Variants in RADIL observed in about 807,000 individuals in gnomAD.
RADIL encodes the protein Rap associating with DIL domain.
RADIL carries 99 observed loss-of-function variants against 97.6 expected under a neutral mutation model. That is an observed-to-expected ratio of 1.01 (90% CI 0.86 to 1.20). The LOEUF is 1.20. Ranked by LOEUF, RADIL falls within the 50% of genes most tolerant of loss-of-function variation. The pLI is 0.00. For missense variants in RADIL, 1,765 were observed against 1,498.9 expected (o/e 1.18, Z -2.93); for synonymous variants, 803 against 691.8 (o/e 1.16, Z -2.52).
In RADIL at chr7:4,853,473, T is replaced by C. The variant is rs780492015; in HGVS notation, c.536-16868A>G. 1.6e-4 allele frequency among the ~76,000 whole-genome samples: 24 copies of C among 152,204 alleles called. 1 individual carries two copies. In the Middle Eastern group the frequency reaches 0.017, roughly 108 times the overall value. ...GATGCTGGGGGTAGGCCGGGCATGT[T>C]GGCTCACACCCGTAATCCCAGCACT... On this transcript the variant is annotated intron_variant, in intron 2 of 14. Coordinates refer to ENST00000399583, the MANE Select transcript of RADIL (RefSeq NM_018059.5).
chr7:4,831,831 T>A (rs1427350844), intron 5 of RADIL, among the ~76,000 whole-genome samples: 1 of 152,104 alleles, frequency 6.6e-6, no homozygotes, highest in Non-Finnish European at 1.5e-5. Context: ...TAGGTTGCTG[T>A]GAGCAGAGAT....
At chr7:4,881,369 C>G (rs1291483486) in intron 1 of RADIL, among the ~76,000 whole-genome samples, 1 of 140,384 alleles carries the variant, frequency 7.1e-6, no homozygotes, top group African/African-American at 2.7e-5. Flanking sequence ...GAGCCAAGAT[C>G]ATGCCACTGC....
chr7:4,851,181 G>C lies in RADIL; in HGVS notation c.536-14576C>G, dbSNP rs556239800. ...GCTCATGCCATTGCCTGGGTGACAA[G>C]AGCAAAACTCCGTCTCAAAAAAAAA... On this transcript the variant is annotated intron_variant, in intron 2 of 14. Coordinates refer to ENST00000399583, the MANE Select transcript of RADIL (RefSeq NM_018059.5). Among the ~76,000 whole-genome samples, 5 of 147,296 alleles carry C rather than the reference G, an allele frequency of 3.4e-5. No homozygotes were observed. The South Asian group carries it at 1.1e-3, about 32-fold the overall frequency.
At chr7:4,859,902 G>T (rs755985143) in intron 2 of RADIL, 9 of 1,600,572 alleles carry the variant, frequency 5.6e-6, no homozygotes, top group Non-Finnish European at 7.7e-6. Context: ...TCCAACTATA[G>T]GATTAGATAT....
At position 4,818,883 on chromosome 7, in the gene RADIL, A is replaced by G. The variant is rs1264617312; in HGVS notation, c.1616-1532T>C. Among the ~76,000 whole-genome samples the G allele has an allele frequency of 6.6e-6, 1 of 152,064 alleles. No homozygotes were observed. Among genetic ancestry groups the G allele is most frequent in the Non-Finnish European group, 1.5e-5 (1 of 68,006 alleles). On this transcript the variant is annotated intron_variant, in intron 6 of 14. Coordinates refer to ENST00000399583, the MANE Select transcript of RADIL (RefSeq NM_018059.5). The surrounding 1 kb of genome is among the most constrained non-coding windows in gnomAD (Gnocchi z 7.1). ...TGAATGAAACCACAAAGCAGCCTCC[A>G]GCCACCCACCACGGGCCTGAGACTC...
intron 9 of RADIL, among the ~76,000 whole-genome samples, chr7:4,806,214 A>G (rs1399862173): frequency 2.0e-5 from 3 of 152,222 alleles, no homozygotes; most frequent in African/African-American, 7.2e-5. Context: ...CAGTGGCTCA[A>G]TCACAGCTCA....
At chr7:4,836,299 G>A in intron 3 of RADIL, 59 bp downstream of exon 3, 1 of 1,549,024 alleles carries the variant, frequency 6.5e-7, no homozygotes, top group Non-Finnish European at 8.7e-7. Context: ...TGACTTCTGA[G>A]TCCCGCCTGC....
chr7:4,855,325 T>C (rs1044154902), intron 2 of RADIL, among the ~76,000 whole-genome samples: 2 of 151,922 alleles, frequency 1.3e-5, no homozygotes, highest in African/African-American at 4.8e-5. Context: ...GGAGGTAAAC[T>C]AGAAGGTGTG....
rs1783456025 is a variant in RADIL at position 4,842,190 on chromosome 7, T to C, written c.536-5585A>G. Among the ~76,000 whole-genome samples the C allele has an allele frequency of 6.6e-6, 1 of 152,080 alleles. No homozygotes were observed. Among genetic ancestry groups the C allele is most frequent in the Non-Finnish European group, 1.5e-5 (1 of 68,022 alleles). ...ACAATGGGATAGAAGGAGTAGAAAG[T>C]GCAGGGCGCCGGGGCAATGGGGAAG... On this transcript the variant is annotated intron_variant, in intron 2 of 14. Coordinates refer to ENST00000399583, the MANE Select transcript of RADIL (RefSeq NM_018059.5). The surrounding 1 kb of genome is among the most constrained non-coding windows in gnomAD (Gnocchi z 4.5).
chr7:4,801,944 G>GT lies in RADIL; in HGVS notation c.2550_2551insA (p.Leu851ThrfsTer63). The GT allele has an allele frequency of 6.4e-7, 1 of 1,564,352 alleles. No homozygotes were observed. Among genetic ancestry groups the GT allele is most frequent in the Non-Finnish European group, 8.6e-7 (1 of 1,157,776 alleles). On this transcript the variant is annotated frameshift_variant, in exon 12 of 15. Transcript: ENST00000399583. LOFTEE classifies it high-confidence loss of function. ...GCTGGGCCAGGGTCCCTGGGAGCCA[G>GT]GGGGCAGCTCGGGGCCTCCAGGTGC...
rs1007833377 is a variant in RADIL, at chr7:4,818,630, C to T, written c.1616-1279G>A. 6.6e-6 allele frequency among the ~76,000 whole-genome samples: 1 copy of T among 152,138 alleles called. No homozygotes were observed. The highest frequency in any genetic ancestry group is 1.9e-4 in the East Asian group (1 of 5,176). On this transcript the variant is annotated intron_variant, in intron 6 of 14. Coordinates refer to ENST00000399583, the MANE Select transcript of RADIL (RefSeq NM_018059.5). This position sits in a 1 kb window ranked among gnomAD's most constrained non-coding sequence, Gnocchi z 7.1. ...GCCTGTGGAGACACACAAGGTGGCC[C>T]GACGGCGCCCACAGCGAGTGCCGGC...
chr7:4,839,717 T>C (rs1460566846), intron 2 of RADIL, among the ~76,000 whole-genome samples: 1 of 152,188 alleles, frequency 6.6e-6, no homozygotes, highest in African/African-American at 2.4e-5. Context: ...CAGATAAATG[T>C]AACTGATGAT....
Position 4,797,760 on chromosome 7 carries a change from T to C in RADIL, c.*1618A>G, listed in dbSNP as rs1459302240. The C allele has an allele frequency of 2.0e-5, 3 of 152,218 alleles. No homozygotes were observed. In the East Asian group the frequency reaches 5.8e-4, roughly 29 times the overall value. 9.4% of individuals were successfully genotyped at this position (152,218 alleles called of 1,614,324 possible). ...ACTTTGGGAGGGCAAGGCGGGCAGA[T>C]CACTTGATGTCAGTTTGAAATCAGC... On this transcript the variant is annotated 3_prime_UTR_variant, in exon 15 of 15. Coordinates refer to ENST00000399583, the MANE Select transcript of RADIL (RefSeq NM_018059.5).
In RADIL at chr7:4,842,361, C is replaced by T. The variant is rs1562446612; in HGVS notation, c.536-5756G>A. 6.6e-6 allele frequency among the ~76,000 whole-genome samples: 1 copy of T among 152,230 alleles called. No homozygotes were observed. Among genetic ancestry groups the T allele is most frequent in the East Asian group, 1.9e-4 (1 of 5,198 alleles). On this transcript the variant is annotated intron_variant, in intron 2 of 14. Coordinates refer to ENST00000399583, the MANE Select transcript of RADIL (RefSeq NM_018059.5). This position sits in a 1 kb window ranked among gnomAD's most constrained non-coding sequence, Gnocchi z 4.5. Reference sequence around the variant, plus strand: ...GCCAAGCCGAGCTGCTGAGCACATCCTCATCTCCAAGGTGAGAAACTCACT... The same window carrying T: ...GCCAAGCCGAGCTGCTGAGCACATCTTCATCTCCAAGGTGAGAAACTCACT...
At chr7:4,812,579 G>T (rs933300630) in intron 9 of RADIL, among the ~76,000 whole-genome samples, 1 of 151,916 alleles carries the variant, frequency 6.6e-6, no homozygotes, top group Non-Finnish European at 1.5e-5. Flanking sequence ...GTGCCACCAC[G>T]CCCAGCTAAT....
chr7:4,880,977 G>A lies in RADIL; in HGVS notation c.-65+2619C>T, dbSNP rs1156488552. On this transcript the variant is annotated intron_variant, in intron 1 of 14. Coordinates refer to ENST00000399583, the MANE Select transcript of RADIL (RefSeq NM_018059.5). The surrounding 1 kb of genome is among the most constrained non-coding windows in gnomAD (Gnocchi z 4.5). Reference sequence around the variant, plus strand: ...AATTAGCTGGGCATGGTGTGCACCTGTAGTCCCAGCTACTCGGGAGGCTGA... The same window carrying A: ...AATTAGCTGGGCATGGTGTGCACCTATAGTCCCAGCTACTCGGGAGGCTGA... 6.6e-6 allele frequency among the ~76,000 whole-genome samples: 1 copy of A among 151,860 alleles called. No individual in the cohort carries two copies. Among genetic ancestry groups the A allele is most frequent in the Non-Finnish European group, 1.5e-5 (1 of 67,948 alleles).
At position 4,880,228 on chromosome 7, in the gene RADIL, C is replaced by A. The variant is rs1225910314; in HGVS notation, c.-64-2025G>T. Reference sequence around the variant, plus strand: ...GCCATAAAGGAGTAAAGGAGCAAAGCCTTTGTTTCTCTTCCTCTGAGGAAG... The same window carrying A: ...GCCATAAAGGAGTAAAGGAGCAAAGACTTTGTTTCTCTTCCTCTGAGGAAG... On this transcript the variant is annotated intron_variant, in intron 1 of 14. Transcript: ENST00000399583. The surrounding 1 kb of genome is among the most constrained non-coding windows in gnomAD (Gnocchi z 4.5). Among the ~76,000 whole-genome samples, 1 of 152,166 alleles carries A rather than the reference C, an allele frequency of 6.6e-6. No individual in the cohort carries two copies. The highest frequency in any genetic ancestry group is 1.5e-5 in the Non-Finnish European group (1 of 68,030).
At chr7:4,844,050 G>GAAC (rs1783510393) in intron 2 of RADIL, among the ~76,000 whole-genome samples, 3 of 152,010 alleles carry the variant, frequency 2.0e-5, no homozygotes, top group Admixed American at 2.0e-4. Flanking sequence ...TTGCCATCAG[G>GAAC]AACAAGACAA....
At chr7:4,820,146 A>G (rs1200834021) in intron 6 of RADIL, among the ~76,000 whole-genome samples, 1 of 152,174 alleles carries the variant, frequency 6.6e-6, no homozygotes, top group East Asian at 1.9e-4. Context: ...CCCCTGTCAC[A>G]CGGAAGGACC....
Sources: allele counts gnomAD v4.1 joint callset (sites outside exome capture counted in the v4.1 genomes callset), GRCh38; gene constraint gnomAD v4.1.1; non-coding constraint Gnocchi (gnomAD v3.1); transcripts MANE v1.5; gene names NCBI Gene and HGNC (gene_info 2026-07-23, HGNC 2026-07-21).